Variants in ROBO2 observed in about 807,000 individuals in gnomAD.
The protein encoded by ROBO2 is roundabout guidance receptor 2, also known as roundabout homolog 2.
A neutral mutation model predicts 160.8 loss-of-function variants in ROBO2; 53 were observed. The ratio of observed to expected loss-of-function variants is 0.33; its 90% CI spans 0.26 to 0.41. The LOEUF (loss-of-function observed/expected upper bound fraction) is 0.41. ROBO2 is among the 10% of genes least tolerant of loss of function. ROBO2 has a pLI of 1.00. For synonymous variants in ROBO2, 664 were observed against 611.7 expected (o/e 1.09, Z -1.26); for missense variants, 1,577 against 1,722.4 (o/e 0.92, Z 1.49).
At chr3:76,447,641 C>G (rs957024329) in intron 2 of ROBO2, among the ~76,000 whole-genome samples, 4 of 150,308 alleles carry the variant, frequency 2.7e-5, no homozygotes, top group Non-Finnish European at 4.4e-5. Flanking sequence ...TGGAACCAGC[C>G]CAAATATCCA....
At chr3:77,319,775 T>C (rs1560524607) in intron 2 of ROBO2, among the ~76,000 whole-genome samples, 1 of 152,176 alleles carries the variant, frequency 6.6e-6, no homozygotes, top group Non-Finnish European at 1.5e-5. Context: ...AAACAGATTT[T>C]AATGGATGTT....
At chr3:76,462,706 T>C (rs2078152266) in intron 2 of ROBO2, among the ~76,000 whole-genome samples, 1 of 152,164 alleles carries the variant, frequency 6.6e-6, no homozygotes, top group South Asian at 2.1e-4. Flanking sequence ...AGCTGGACTT[T>C]ATGCATGAAT....
At chr3:77,289,506 G>C (rs1239629320) in intron 2 of ROBO2, among the ~76,000 whole-genome samples, 1 of 151,240 alleles carries the variant, frequency 6.6e-6, no homozygotes. Flanking sequence ...TAAAATTGAC[G>C]GTTCAATGGG....
chr3:76,419,744 T>C (rs867083824), intron 2 of ROBO2, among the ~76,000 whole-genome samples: 13 of 152,302 alleles, frequency 8.5e-5, no homozygotes, highest in Middle Eastern at 6.8e-3. Flanking sequence ...TCATATTTTA[T>C]TAATAGTAAT....
intron 2 of ROBO2, among the ~76,000 whole-genome samples, chr3:76,183,164 G>A (rs1304950048): frequency 6.6e-6 from 1 of 152,106 alleles, no homozygotes; most frequent in East Asian, 1.9e-4. Context: ...CTGTCCAGCA[G>A]AGTGTACACA....
intron 2 of ROBO2, among the ~76,000 whole-genome samples, chr3:76,535,366 T>C (rs1248632601): frequency 1.3e-5 from 2 of 152,032 alleles, no homozygotes; most frequent in East Asian, 3.9e-4. Context: ...ACAGCTTTAG[T>C]CTTCTCAAAG....
At chr3:77,314,587 T>G (rs1217836011) in intron 2 of ROBO2, among the ~76,000 whole-genome samples, 2 of 152,216 alleles carry the variant, frequency 1.3e-5, no homozygotes, top group African/African-American at 4.8e-5. Context: ...CTCCAAGACT[T>G]ACAGTTTCTG....
At chr3:77,087,056 C>G (rs1393043363) in intron 1 of ROBO2, among the ~76,000 whole-genome samples, 1 of 152,068 alleles carries the variant, frequency 6.6e-6, no homozygotes, top group African/African-American at 2.4e-5. Flanking sequence ...GACATTGACA[C>G]TGGGTCTTTT....
At chr3:76,145,182 C>CA (rs2071838585) in intron 2 of ROBO2, among the ~76,000 whole-genome samples, 1 of 151,722 alleles carries the variant, frequency 6.6e-6, no homozygotes, top group African/African-American at 2.4e-5. Context: ...ATGCAGTAGG[C>CA]AAAAAAGCCT....
At chr3:76,062,196 G>A (rs1295149491) in intron 2 of ROBO2, among the ~76,000 whole-genome samples, 8 of 152,102 alleles carry the variant, frequency 5.3e-5, no homozygotes, top group African/African-American at 1.4e-4. Flanking sequence ...AAATGGAGCC[G>A]ACTTTTAAAA....
At chr3:77,577,925 G>A (rs560643023) in intron 15 of ROBO2, among the ~76,000 whole-genome samples, 10 of 152,150 alleles carry the variant, frequency 6.6e-5, no homozygotes, top group African/African-American at 2.4e-4. Flanking sequence ...CCTAGAAAAT[G>A]GATTTTATCT....
At chr3:77,376,308 G>A (rs571765955) in intron 2 of ROBO2, among the ~76,000 whole-genome samples, 1 of 151,652 alleles carries the variant, frequency 6.6e-6, no homozygotes, top group East Asian at 2.0e-4. Flanking sequence ...GCCTGCACCA[G>A]TACACCTGGC....
intron 2 of ROBO2, among the ~76,000 whole-genome samples, chr3:77,149,498 T>C (rs977389669): frequency 1.2e-4 from 18 of 152,202 alleles, no homozygotes; most frequent in Admixed American, 1.2e-3. Flanking sequence ...AACCCGTGTG[T>C]AAGACAAAAC....
chr3:75,958,430 G>A (rs1409560717), intron 2 of ROBO2, among the ~76,000 whole-genome samples: 1 of 151,792 alleles, frequency 6.6e-6, no homozygotes, highest in Non-Finnish European at 1.5e-5. Flanking sequence ...AGAAAGTCAA[G>A]CAAAAACTCA....
intron 7 of ROBO2, among the ~76,000 whole-genome samples, chr3:77,548,037 CCACA>C (rs999229151): frequency 2.0e-5 from 3 of 150,604 alleles, no homozygotes; most frequent in African/African-American, 7.3e-5. Context: ...TACACATACG[CCACA>C]CACAGAGACA....
chr3:77,015,524 T>G (rs796619276), intron 2 of ROBO2, among the ~76,000 whole-genome samples: 20 of 152,302 alleles, frequency 1.3e-4, no homozygotes, highest in Admixed American at 4.6e-4. Flanking sequence ...TCTATGCAAA[T>G]TAGATTCTAG....
intron 2 of ROBO2, among the ~76,000 whole-genome samples, chr3:77,273,126 A>T (rs1218635846): frequency 6.6e-6 from 1 of 152,068 alleles, no homozygotes; most frequent in Non-Finnish European, 1.5e-5. Context: ...TCCCCCGTCT[A>T]GTAGCCCCCA....
exon 14 of ROBO2, chr3:77,574,663 A>G (rs771754325): frequency 1.9e-5 from 31 of 1,613,248 alleles, no homozygotes; most frequent in Non-Finnish European, 2.4e-5. Flanking sequence ...AAATTAAAGT[A>G]CGGCCATATT....
At chr3:77,382,820 C>G (rs1332503659) in intron 2 of ROBO2, among the ~76,000 whole-genome samples, 1 of 152,132 alleles carries the variant, frequency 6.6e-6, no homozygotes, top group East Asian at 1.9e-4. Flanking sequence ...ACTCATTAGT[C>G]AATAGGCATT....
Sources: gnomAD v4.1 joint callset for allele counts (sites outside exome capture counted in the v4.1 genomes callset) on GRCh38, gnomAD v4.1.1 for gene constraint, MANE v1.5 for transcripts, NCBI Gene and HGNC (gene_info 2026-07-23, HGNC 2026-07-21) for gene names.